JPH2: variants seen among roughly 807,000 people sequenced by gnomAD.
JPH2 encodes the protein junctophilin-2.
A neutral mutation model predicts 55.9 loss-of-function variants in JPH2; 38 were observed. The observed-to-expected ratio is 0.68, with a 90% CI of 0.52 to 0.89. The LOEUF is 0.89. Among genes scored for constraint, JPH2 ranks in the 40% least tolerant of loss-of-function variants. The pLI is 0.00. For missense variants in JPH2, 964 were observed against 1,037.6 expected, an observed-to-expected ratio of 0.93 and a Z score of 0.97; for synonymous variants, 480 against 472.4, an observed-to-expected ratio of 1.02 and a Z score of -0.21.
rs1291923734 is a variant in JPH2, at chr20:44,111,834, A to AAG, written c.*1683_*1684insCT. ...TGTCCCCAGCACCAGCCAAAAAAAA[A>AAG]CAACAGAAAAAAAACAGGACAAGAA... On this transcript the variant is annotated 3_prime_UTR_variant, in exon 6 of 6. Coordinates refer to ENST00000372980, the MANE Select transcript of JPH2 (RefSeq NM_020433.5). The AAG allele has an allele frequency of 1.3e-5, 2 of 152,088 alleles. No homozygotes were observed. The highest frequency in any genetic ancestry group is 3.9e-4 in the East Asian group (2 of 5,162). 9.4% of individuals were successfully genotyped at this position (152,088 alleles called of 1,614,324 possible). A position where few individuals can be genotyped will look rare whatever the true frequency, so the allele number is the denominator to read the frequency against.
rs1324147204 is a variant in JPH2 at position 44,106,736 on chromosome 20, T to A, written c.*6782A>T. Among the ~76,000 whole-genome samples, 2 of 152,032 alleles carry A rather than the reference T, an allele frequency of 1.3e-5. No individual in the cohort carries two copies. Among genetic ancestry groups the A allele is most frequent in the African/African-American group, 4.8e-5 (2 of 41,390 alleles). Reference sequence around the variant, plus strand: ...AACTTGTGCAGAGTAACTCCTCTTTTTAAAATCATCGATCTCATGAGACTT... The same window carrying A: ...AACTTGTGCAGAGTAACTCCTCTTTATAAAATCATCGATCTCATGAGACTT... On this transcript the variant is annotated 3_prime_UTR_variant, in exon 6 of 6. Transcript: ENST00000372980.
At chr20:44,129,210 G>A (rs2072297668) in intron 2 of JPH2, among the ~76,000 whole-genome samples, 1 of 152,160 alleles carries the variant, frequency 6.6e-6, no homozygotes, top group Admixed American at 6.5e-5. Flanking sequence ...CTCTAGTGAG[G>A]GAGTGGGTGT....
chr20:44,142,806 T>C (rs570339263), intron 2 of JPH2, among the ~76,000 whole-genome samples: 4 of 152,322 alleles, frequency 2.6e-5, no homozygotes, highest in African/African-American at 9.6e-5. Context: ...CCTTGTTGTA[T>C]GTATTTCAAG....
At chr20:44,131,476 C>T (rs1418547837) in intron 2 of JPH2, among the ~76,000 whole-genome samples, 1 of 152,158 alleles carries the variant, frequency 6.6e-6, no homozygotes, top group Non-Finnish European at 1.5e-5. Context: ...TTTTAAGCTG[C>T]TCTATGTGGG....
At chr20:44,178,224 C>T (rs1037185403) in intron 1 of JPH2, among the ~76,000 whole-genome samples, 1 of 152,038 alleles carries the variant, frequency 6.6e-6, no homozygotes, top group Non-Finnish European at 1.5e-5. Flanking sequence ...ACAAAAAGAT[C>T]CACTAGAACT....
At chr20:44,138,574 G>T (rs1171708943) in intron 2 of JPH2, among the ~76,000 whole-genome samples, 2 of 151,528 alleles carry the variant, frequency 1.3e-5, no homozygotes, top group Non-Finnish European at 2.9e-5. Context: ...GTAGAGATGG[G>T]TTCTCACCAT....
In JPH2 at chr20:44,133,621, G is replaced by A. The variant is rs553896478; in HGVS notation, c.1170-14998C>T. The stretch of plus-strand genomic sequence containing the variant: ...CCCCAGCAAGAGGCCAGAGAGGGCT[G>A]GGTGTCTATTCCCCTTCTATGTCAG... On this transcript the variant is annotated intron_variant, in intron 2 of 5. Coordinates refer to ENST00000372980, the MANE Select transcript of JPH2 (RefSeq NM_020433.5). Among the ~76,000 whole-genome samples the A allele has an allele frequency of 3.6e-4, 54 of 151,866 alleles. No homozygotes were observed. In the East Asian group the frequency reaches 9.2e-3, roughly 26 times the overall value.
chr20:44,173,046 C>G (rs1056441158), intron 1 of JPH2, among the ~76,000 whole-genome samples: 19 of 152,210 alleles, frequency 1.2e-4, no homozygotes, highest in African/African-American at 4.6e-4. Flanking sequence ...ACTGTCTTCA[C>G]TCATGCCTGG....
rs1281048375 is a variant in JPH2 at position 44,186,404 on chromosome 20, C to T, written c.302G>A (p.Ser101Asn). 8 of 1,613,798 alleles carry T rather than the reference C, an allele frequency of 5.0e-6. No homozygotes were observed. Among genetic ancestry groups the T allele is most frequent in the Non-Finnish European group, 6.8e-6 (8 of 1,179,978 alleles). Reference protein sequence around the residue: ...KGRYGIRQSSSSGAKYEGTWN... With the variant: ...KGRYGIRQSSNSGAKYEGTWN... Reference sequence around the variant, plus strand: ...GGTGCCCTCATACTTGGCACCGCTGCTTGAGCTCTGCCGGATTCCGTAGCG... The same window carrying T: ...GGTGCCCTCATACTTGGCACCGCTGTTTGAGCTCTGCCGGATTCCGTAGCG... The change falls in exon 1 of 6, where the codon AGC (serine) becomes AAC (asparagine). Residue 101 changes from serine (S) to asparagine (N), a missense_variant. Coordinates refer to ENST00000372980, the MANE Select transcript of JPH2 (RefSeq NM_020433.5).
Position 44,115,651 on chromosome 20 carries a change from C to A in JPH2, c.2010+14G>T, listed in dbSNP as rs934949633. ...GGAACCCGACCTTAGGCACACCTTG[C>A]CCGACAGCCTCACCTCTTCCACCTC... On this transcript the variant is annotated intron_variant, in intron 4 of 5. Transcript: ENST00000372980. 3 of 1,612,048 alleles carry A rather than the reference C, an allele frequency of 1.9e-6. No individual in the cohort carries two copies. The highest frequency in any genetic ancestry group is 2.5e-6 in the Non-Finnish European group (3 of 1,179,892).
Position 44,160,621 on chromosome 20 carries a change from G to A in JPH2, c.380-214C>T, listed in dbSNP as rs1479322589. Among the ~76,000 whole-genome samples, 1 of 152,216 alleles carries A rather than the reference G, an allele frequency of 6.6e-6. No individual in the cohort carries two copies. Among genetic ancestry groups the A allele is most frequent in the Non-Finnish European group, 1.5e-5 (1 of 68,042 alleles). ...GTGAGCCAGGAGGAGCTTGCACGAT[G>A]GTAGGAATACGTTGGTGGGAACATG... On this transcript the variant is annotated intron_variant, in intron 1 of 5. Transcript: ENST00000372980. The surrounding 1 kb of genome is among the most constrained non-coding windows in gnomAD (Gnocchi z 4.9).
rs988100071 is a variant in JPH2, at chr20:44,186,648, C to G, written c.58G>C (p.Gly20Arg). Residue 20 changes from glycine to arginine, a missense_variant, in exon 1 of 6, where the codon GGG (glycine) becomes CGG (arginine). Transcript: ENST00000372980. Reference protein sequence around the residue: ...DGGAYCGGWEGGKAHGHGLCT... With the variant: ...DGGAYCGGWERGKAHGHGLCT... ...AGTCCATGCCCATGGGCCTTTCCCC[C>G]CTCCCAGCCCCCGCAGTACGCCCCT... 17 of 1,608,456 alleles carry G rather than the reference C, an allele frequency of 1.1e-5. No individual in the cohort carries two copies. The South Asian group carries it at 1.3e-4, about 12-fold the overall frequency.
chr20:44,131,007 T>C (rs1016757971), intron 2 of JPH2, among the ~76,000 whole-genome samples: 24 of 152,212 alleles, frequency 1.6e-4, no homozygotes, highest in Non-Finnish European at 3.4e-4. Context: ...TTAGTCCCTC[T>C]GTGCATTGGT....
Position 44,110,731 on chromosome 20 carries a change from C to T in JPH2, c.*2787G>A, listed in dbSNP as rs1159941119. ...TATAGGTGTGAGCCACCATGCCCAG[C>T]TTAAAACCTCTTTATCACCATAATC... On this transcript the variant is annotated 3_prime_UTR_variant, in exon 6 of 6. Transcript: ENST00000372980. 3.3e-5 allele frequency among the ~76,000 whole-genome samples: 5 copies of T among 152,214 alleles called. No individual in the cohort carries two copies. The highest frequency in any genetic ancestry group is 6.5e-5 in the Admixed American group (1 of 15,284).
chr20:44,151,422 C>G (rs1319958347), intron 2 of JPH2, among the ~76,000 whole-genome samples: 1 of 152,042 alleles, frequency 6.6e-6, no homozygotes, highest in Non-Finnish European at 1.5e-5. Flanking sequence ...GAAGCTGAGG[C>G]AGGAGAATCG....
chr20:44,163,518 G>C (rs1368475772), intron 1 of JPH2, among the ~76,000 whole-genome samples: 1 of 152,108 alleles, frequency 6.6e-6, no homozygotes, highest in African/African-American at 2.4e-5. Context: ...CCCCCATTAA[G>C]GATCAAGAAC....
intron 2 of JPH2, among the ~76,000 whole-genome samples, chr20:44,153,382 A>G (rs1164699257): frequency 6.6e-6 from 1 of 152,216 alleles, no homozygotes; most frequent in African/African-American, 2.4e-5. Flanking sequence ...AGTTTATAAG[A>G]GGCTGAAGCC....
intron 2 of JPH2, among the ~76,000 whole-genome samples, chr20:44,131,933 C>T (rs2072322008): frequency 6.6e-6 from 1 of 152,146 alleles, no homozygotes; most frequent in South Asian, 2.1e-4. Flanking sequence ...GAAAGCTTAC[C>T]CTAACTGCCA....
chr20:44,116,267 G>A lies in JPH2; in HGVS notation c.1408C>T (p.Pro470Ser). 4 of 1,526,162 alleles carry A rather than the reference G, an allele frequency of 2.6e-6. No individual in the cohort carries two copies. The highest frequency in any genetic ancestry group is 3.5e-6 in the Non-Finnish European group (4 of 1,140,920). The allele number at this position is 1,526,162 out of a possible 1,614,324, so 94.5% of individuals were successfully genotyped here. ...GGGGTCTCACGCTCGTGCAGCTGCG[G>A]GCTCTCGCGGGGCGGCTGTGGGAGG... Reference protein sequence around the residue: ...AGLPQPPRESPQLHERETPRP... With the variant: ...AGLPQPPRESSQLHERETPRP... Residue 470 changes from proline (P) to serine (S), a missense_variant, in exon 4 of 6, where the codon CCG (proline) becomes TCG (serine). Physicochemically the swap from Pro to Ser is moderately conservative, Grantham distance 74 (BLOSUM62 -1). Coordinates refer to ENST00000372980, the MANE Select transcript of JPH2 (RefSeq NM_020433.5).
Sources: gnomAD v4.1 joint callset for allele counts (sites outside exome capture counted in the v4.1 genomes callset) on GRCh38, gnomAD v4.1.1 for gene constraint, Gnocchi (gnomAD v3.1) non-coding constraint, MANE v1.5 for transcripts, NCBI Gene and HGNC (gene_info 2026-07-23, HGNC 2026-07-21) for gene names.